Variants in COL9A3 observed in about 807,000 individuals in gnomAD.
COL9A3 encodes the protein collagen type IX alpha 3 chain, also known as collagen alpha-3(IX) chain.
Under a neutral mutation model 110.2 loss-of-function variants are expected in COL9A3, and 82 were observed. The ratio of observed to expected loss-of-function variants is 0.74; its 90% confidence interval spans 0.62 to 0.89. The LOEUF is 0.89. Among genes scored for constraint, COL9A3 ranks in the 40% least tolerant of loss-of-function variants. The pLI is 0.00. For missense variants in COL9A3, 1,066 were observed against 981.3 expected, an observed-to-expected ratio of 1.09 and a Z score of -1.15; for synonymous variants, 494 against 403.8, an observed-to-expected ratio of 1.22 and a Z score of -2.68.
Position 62,818,499 on chromosome 20 carries a change from T to G in COL9A3, c.148-19T>G. On this transcript the variant is annotated intron_variant, in intron 2 of 31. Coordinates refer to ENST00000649368, the MANE Select transcript of COL9A3 (RefSeq NM_001853.4). The stretch of plus-strand genomic sequence containing the variant: ...GACCCCTGATTTTCAGGGTTACATG[T>G]GGGTGTCTTTCCTCACAGGGAGAAG... 1.2e-6 allele frequency: 2 copies of G among 1,612,366 alleles called. No individual in the cohort carries two copies. The highest frequency in any genetic ancestry group is 1.7e-6 in the Non-Finnish European group (2 of 1,179,382).
chr20:62,820,831 C>T (rs1051931682), intron 5 of COL9A3, among the ~76,000 whole-genome samples: 1 of 152,164 alleles, frequency 6.6e-6, no homozygotes, highest in Non-Finnish European at 1.5e-5. Flanking sequence ...CTGGGGCTCG[C>T]TGACGTGGGC....
In COL9A3 at chr20:62,830,526, G is replaced by A. The variant is rs1406567877; in HGVS notation, c.1225G>A (p.Gly409Ser). The A allele has an allele frequency of 6.2e-7, 1 of 1,608,772 alleles. No individual in the cohort carries two copies. The highest frequency in any genetic ancestry group is 2.2e-5 in the East Asian group (1 of 44,722). Residue 409 changes from glycine to serine, a missense_variant, in exon 24 of 32, where the codon GGC becomes AGC. Coordinates refer to ENST00000649368, the MANE Select transcript of COL9A3 (RefSeq NM_001853.4). ...GGACCTCCTTCCCCAGGGCCAGAAG[G>A]GCAGCATGGGAGACCCCGGCCTTCC... The part of the protein sequence containing the change: ...PGVRGFQGQK[G>S]SMGDPGLPGP...
intron 1 of COL9A3, 71 bp downstream of exon 1, chr20:62,817,213 C>A: frequency 8.8e-7 from 1 of 1,134,996 alleles, no homozygotes; most frequent in South Asian, 2.7e-5. Context: ...CCCGCCACTC[C>A]GGGGTGCCCG....
chr20:62,839,467 CCT>C (rs769054228), intron 31 of COL9A3, among the ~76,000 whole-genome samples: 18 of 152,324 alleles, frequency 1.2e-4, no homozygotes, highest in African/African-American at 1.9e-4. Context: ...CCTGCCCGCC[CCT>C]GTCTTAGCCT....
In COL9A3 at chr20:62,836,516, TG is replaced by T; in HGVS notation, c.1593del (p.Met532Ter). On this transcript the variant is annotated frameshift_variant, in exon 29 of 32. Transcript: ENST00000649368. LOFTEE classifies it high-confidence loss of function. The part of the protein sequence containing the change: ...ASEQRIRELC[G>X]GMISEQIAQL... ...GCGAGCAGCGCATCAGGGAGCTGTGTGGGGGGATGATCAGCGGTAAGTCAGC... is the reference window on the plus strand; with the variant it reads ...GCGAGCAGCGCATCAGGGAGCTGTGTGGGGGATGATCAGCGGTAAGTCAGC... 1 of 1,612,422 alleles carries T rather than the reference TG, an allele frequency of 6.2e-7. No individual in the cohort carries two copies. The highest frequency in any genetic ancestry group is 8.5e-7 in the Non-Finnish European group (1 of 1,179,330).
chr20:62,820,266 A>C (rs933752298), intron 5 of COL9A3, among the ~76,000 whole-genome samples: 15 of 152,006 alleles, frequency 9.9e-5, no homozygotes, highest in Non-Finnish European at 1.8e-4. Context: ...GCCTCCTCAG[A>C]ATGTCCCTGA....
chr20:62,819,301 C>T lies in COL9A3; in HGVS notation c.255+8C>T, dbSNP rs141737082. ...GGACTGCCGGGTGTGGATGTGAGTGCGCCTGCCCCTCCCCGCCATGCCCCA... is the reference window on the plus strand; with the variant it reads ...GGACTGCCGGGTGTGGATGTGAGTGTGCCTGCCCCTCCCCGCCATGCCCCA... On this transcript the variant is annotated splice_region_variant and intron_variant, in intron 4 of 31. Transcript: ENST00000649368. 1.0e-3 allele frequency: 1,634 copies of T among 1,599,830 alleles called. No individual in the cohort carries two copies. Among genetic ancestry groups the T allele is most frequent in the South Asian group, 1.2e-3 (111 of 89,792 alleles).
chr20:62,839,157 G>A (rs768927297), intron 31 of COL9A3, among the ~76,000 whole-genome samples: 23 of 152,084 alleles, frequency 1.5e-4, no homozygotes, highest in South Asian at 6.2e-4. Context: ...CCCGGGAGGC[G>A]GAGGTTGCAG....
chr20:62,823,674 T>G (rs1397204943), intron 10 of COL9A3, among the ~76,000 whole-genome samples: 2 of 152,242 alleles, frequency 1.3e-5, no homozygotes, highest in Non-Finnish European at 2.9e-5. Context: ...GCCTGCCCAT[T>G]GCAGCTGTAG....
intron 12 of COL9A3, among the ~76,000 whole-genome samples, chr20:62,825,294 G>A (rs1160109792): frequency 6.6e-6 from 1 of 152,178 alleles, no homozygotes; most frequent in Non-Finnish European, 1.5e-5. Flanking sequence ...GGTGATTTAG[G>A]CAGGGTCCCT....
rs142209043 is a variant in COL9A3, at chr20:62,834,780, C to T, written c.1369-1141C>T. On this transcript the variant is annotated intron_variant, in intron 26 of 31. Transcript: ENST00000649368. ...GCCTCAGCCTCCCGAGTAGCTGGGA[C>T]TACAGGTGCCCACCATCACACCCGG... Among the ~76,000 whole-genome samples the T allele has an allele frequency of 8.0e-3, 1,216 of 152,242 alleles. 19 individuals are homozygous for T. The highest frequency in any genetic ancestry group is 0.027 in the African/African-American group (1,126 of 41,548).
intron 8 of COL9A3, 143 bp from the exon 9 acceptor site, chr20:62,821,968 C>T (rs977619407): frequency 1.2e-5 from 9 of 764,060 alleles, no homozygotes; most frequent in South Asian, 5.7e-5. Context: ...GATCCAGACC[C>T]GACCTCAGGA....
In COL9A3 at chr20:62,821,413, C is replaced by CT. The variant is rs2063512031; in HGVS notation, c.346-91dup. ...CCAGACACCCATCCCTGGAACCGCC[C>CT]TTTCCCCAGGACCCACCTGAGCCAT... On this transcript the variant is annotated intron_variant, in intron 6 of 31. Coordinates refer to ENST00000649368, the MANE Select transcript of COL9A3 (RefSeq NM_001853.4). The CT allele has an allele frequency of 2.6e-6, 4 of 1,554,594 alleles. No homozygotes were observed. The Admixed American group carries it at 6.7e-5, about 26-fold the overall frequency.
At position 62,828,782 on chromosome 20, in the gene COL9A3, G is replaced by A. The variant is rs1201421809; in HGVS notation, c.919G>A (p.Gly307Ser). The change falls in exon 18 of 32, where the codon GGC becomes AGC. Residue 307 changes from glycine (G) to serine (S), a missense_variant. By Grantham distance (56) the Gly-to-Ser change is moderately conservative (BLOSUM62 0). Transcript: ENST00000649368. ...SGEPGMPGKD[G>S]QNGVPGLDGQ... is the part of the protein sequence containing the mutation. ...TCCCCAGGGCATGCCGGGCAAGGACGGCCAGAATGGCGTGCCAGGACTCGA... is the reference window on the plus strand; with the variant it reads ...TCCCCAGGGCATGCCGGGCAAGGACAGCCAGAATGGCGTGCCAGGACTCGA... 8 of 1,612,722 alleles carry A rather than the reference G, an allele frequency of 5.0e-6. No homozygotes were observed. The highest frequency in any genetic ancestry group is 1.1e-5 in the South Asian group (1 of 91,084).
At chr20:62,831,968 C>T (rs1039153918) in intron 24 of COL9A3, 186 bp from the exon 25 acceptor site, 4 of 685,320 alleles carry the variant, frequency 5.8e-6, no homozygotes, top group Admixed American at 4.2e-5. Context: ...ACAGAGCCAT[C>T]GGGCCCAGAG....
In COL9A3 at chr20:62,840,636, T is replaced by TG; in HGVS notation, c.1963dup (p.Ala655GlyfsTer98). ...GAGATCCTGGGCTTCCAGGTGCCAT[T>TG]GGGGCCCAGGGGACACCGGGGATCT... is the stretch of plus-strand genomic sequence containing the variant. On this transcript the variant is annotated frameshift_variant, in exon 32 of 32. Transcript: ENST00000649368. LOFTEE classifies it high-confidence loss of function. 6.2e-7 allele frequency: 1 copy of TG among 1,612,048 alleles called. No homozygotes were observed.
chr20:62,838,712 C>A lies in COL9A3; in HGVS notation c.1815C>A (p.Gly605=). ...ACCAGGGTGACAGAGGAGACAAAGGCGCGGCAGGAGCAGGGCTGGACGGGC... is the reference window on the plus strand; with the variant it reads ...ACCAGGGTGACAGAGGAGACAAAGGAGCGGCAGGAGCAGGGCTGGACGGGC... ...RGNQGDRGDK[G]AAGAGLDGPE... is the part of the protein sequence containing the mutation. Residue 605 remains glycine (G), a synonymous_variant, in exon 31 of 32, where the codon GGC becomes GGA. Transcript: ENST00000649368. 1 of 1,552,856 alleles carries A rather than the reference C, an allele frequency of 6.4e-7. No homozygotes were observed. The highest frequency in any genetic ancestry group is 2.4e-5 in the East Asian group (1 of 41,070).
intron 26 of COL9A3, 84 bp from the exon 27 acceptor site, chr20:62,835,837 T>G: frequency 7.2e-7 from 1 of 1,396,502 alleles, no homozygotes; most frequent in Non-Finnish European, 1.0e-6. Flanking sequence ...GTGTGGATGA[T>G]TTGATTTATT....
rs753505332 is a variant in COL9A3, at chr20:62,830,497, G to A, written c.1216-20G>A. 1.2e-6 allele frequency: 2 copies of A among 1,606,258 alleles called. No homozygotes were observed. Among genetic ancestry groups the A allele is most frequent in the Non-Finnish European group, 1.7e-6 (2 of 1,177,490 alleles). ...CCCGACAGGGTATGGGCACTGACGA[G>A]CCAGGACCTCCTTCCCCAGGGCCAG... On this transcript the variant is annotated intron_variant, in intron 23 of 31. Transcript: ENST00000649368.
Sources: allele counts gnomAD v4.1 joint callset (sites outside exome capture counted in the v4.1 genomes callset), GRCh38; gene constraint gnomAD v4.1.1; transcripts MANE v1.5; gene names NCBI Gene and HGNC (gene_info 2026-07-23, HGNC 2026-07-21).